The following NME8 variants were observed in gnomAD, a reference collection of about 807,000 sequenced individuals.
The protein encoded by NME8 is protein NME8.
In NME8, 72 loss-of-function variants were observed where a neutral mutation model predicts 82.3. The observed-to-expected ratio is 0.87, with a 90% CI of 0.72 to 1.06. The LOEUF is 1.06. Ranked by LOEUF, NME8 falls within the 50% of genes least tolerant of loss-of-function variation. NME8 has a pLI of 0.00. For synonymous variants in NME8, 267 were observed against 228.5 expected, an observed-to-expected ratio of 1.17 and a Z score of -1.52; for missense variants, 712 against 685.4, an observed-to-expected ratio of 1.04 and a Z score of -0.43.
At chr7:37,853,467 A>T (rs1784464630) in intron 5 of NME8, among the ~76,000 whole-genome samples, 1 of 152,156 alleles carries the variant, frequency 6.6e-6, no homozygotes, top group Non-Finnish European at 1.5e-5. Flanking sequence ...TGCAGTTGGA[A>T]AGGGGTTGAT....
rs372584831 is a variant in NME8 at position 37,865,525 on chromosome 7, A to T, written c.529A>T (p.Ile177Phe). The change falls in exon 10 of 18, where the codon ATT becomes TTT. Residue 177 changes from isoleucine to phenylalanine, a missense_variant and splice_region_variant. Ile to Phe is a conservative substitution (Grantham distance 21, BLOSUM62 0). Transcript: ENST00000199447. ...ATTTGACCTTACTCTCTAATTGAAG[A>T]TTACCAAAGCTGGATTTATTATAGA... ...SKKVLEIKRK[I>F]TKAGFIIEAE... The T allele has an allele frequency of 2.3e-5, 37 of 1,608,214 alleles. No homozygotes were observed. The highest frequency in any genetic ancestry group is 2.9e-5 in the Non-Finnish European group (34 of 1,174,898).
At chr7:37,850,461 C>A (rs776350841) in intron 4 of NME8, 26 bp downstream of exon 4, 1 of 1,613,000 alleles carries the variant, frequency 6.2e-7, no homozygotes, top group South Asian at 1.1e-5. Context: ...GGCTGTCTGG[C>A]CACCTGGGGT....
At chr7:37,886,164 G>T (rs1435733937) in intron 14 of NME8, among the ~76,000 whole-genome samples, 1 of 152,210 alleles carries the variant, frequency 6.6e-6, no homozygotes, top group Admixed American at 6.5e-5. Flanking sequence ...GCCAATGACT[G>T]TGAAGGATAA....
chr7:37,888,428 G>C lies in NME8; in HGVS notation c.1399G>C (p.Glu467Gln), dbSNP rs760305644. The C allele has an allele frequency of 1.7e-5, 27 of 1,611,448 alleles. No homozygotes were observed. The highest frequency in any genetic ancestry group is 2.3e-5 in the Non-Finnish European group (27 of 1,178,588). The part of the protein sequence containing the change: ...IKPHATSEQR[E>Q]QILKIVKEAG... ...ACCTCATGCAACAAGTGAACAAAGA[G>C]GTAAATATTTAAGAATAAAAGTGAA... Residue 467 changes from glutamate (E) to glutamine (Q), a missense_variant and splice_region_variant, in exon 15 of 18, where the codon GAG (glutamate) becomes CAG (glutamine). Transcript: ENST00000199447.
chr7:37,882,613 G>GAGAGAAAGAAAGAA (rs1273553790), intron 12 of NME8, among the ~76,000 whole-genome samples: 13 of 85,068 alleles, frequency 1.5e-4, no homozygotes, highest in African/African-American at 4.3e-4. Flanking sequence ...GAGAGAGAGA[G>GAGAGAAAGAAAGAA]AGAAAGAAAG....
intron 14 of NME8, 123 bp from the exon 15 acceptor site, chr7:37,888,154 T>G: frequency 1.0e-6 from 1 of 961,008 alleles, no homozygotes; most frequent in Non-Finnish European, 1.7e-6. Flanking sequence ...TACTTCCTTT[T>G]GCACAGTGTC....
At chr7:37,850,463 AC>A in intron 4 of NME8, 28 bp downstream of exon 4, 1 of 1,613,490 alleles carries the variant, frequency 6.2e-7, no homozygotes, top group Non-Finnish European at 8.5e-7. Flanking sequence ...CTGTCTGGCC[AC>A]CTGGGGTTTG....
intron 5 of NME8, among the ~76,000 whole-genome samples, chr7:37,853,880 G>A (rs887253814): frequency 6.6e-6 from 1 of 150,704 alleles, no homozygotes; most frequent in Admixed American, 6.6e-5. Context: ...TATATAGAGA[G>A]AGGCATATAA....
intron 11 of NME8, among the ~76,000 whole-genome samples, chr7:37,869,568 AT>A (rs1420733573): frequency 1.3e-5 from 2 of 152,198 alleles, no homozygotes; most frequent in African/African-American, 4.8e-5. Flanking sequence ...CAATTTAGGC[AT>A]GTTAATTGGC....
In NME8 at chr7:37,850,450, C is replaced by A. The variant is rs141405304; in HGVS notation, c.91+15C>A. On this transcript the variant is annotated intron_variant, in intron 4 of 17. Transcript: ENST00000199447. ...AGGCTTAACAGGTATAAGGACTCCCCGGCTGTCTGGCCACCTGGGGTTTGA... is the reference window on the plus strand; with the variant it reads ...AGGCTTAACAGGTATAAGGACTCCCAGGCTGTCTGGCCACCTGGGGTTTGA... 1 of 1,613,918 alleles carries A rather than the reference C, an allele frequency of 6.2e-7. No homozygotes were observed. The highest frequency in any genetic ancestry group is 1.3e-5 in the African/African-American group (1 of 75,038).
chr7:37,852,586 A>G (rs1485994983), intron 5 of NME8, among the ~76,000 whole-genome samples: 2 of 152,234 alleles, frequency 1.3e-5, no homozygotes, highest in Non-Finnish European at 2.9e-5. Context: ...TCATATAGTT[A>G]GAATCACATA....
chr7:37,876,869 C>G lies in NME8; in HGVS notation c.856C>G (p.Leu286Val), dbSNP rs202155606. 14 of 1,612,942 alleles carry G rather than the reference C, an allele frequency of 8.7e-6. No homozygotes were observed. The East Asian group carries it at 2.7e-4, about 31-fold the overall frequency. Residue 286 changes from leucine (L) to valine (V), a missense_variant, in exon 12 of 18, where the codon CTC (leucine) becomes GTC (valine). Transcript: ENST00000199447. Reference sequence around the variant, plus strand: ...TCTGGAAAGACAACATTTAGCTCAGCTCTGTGACATTGAAGAGGATGCAGC... The same window carrying G: ...TCTGGAAAGACAACATTTAGCTCAGGTCTGTGACATTGAAGAGGATGCAGC... Reference protein sequence around the residue: ...EYLERQHLAQLCDIEEDAANV... With the variant: ...EYLERQHLAQVCDIEEDAANV...
chr7:37,854,672 T>A (rs1474734615), intron 5 of NME8, among the ~76,000 whole-genome samples: 1 of 152,206 alleles, frequency 6.6e-6, no homozygotes, highest in Non-Finnish European at 1.5e-5. Context: ...CTGGCTCTTC[T>A]ACATCTTCTC....
At position 37,862,155 on chromosome 7, in the gene NME8, G is replaced by A. The variant is rs756726204; in HGVS notation, c.387+11G>A. ...ATGGCTCGACCTCAGGTAATACTTTGGATTAACAACAGTTTGAAGACAAGC... is the reference window on the plus strand; with the variant it reads ...ATGGCTCGACCTCAGGTAATACTTTAGATTAACAACAGTTTGAAGACAAGC... On this transcript the variant is annotated intron_variant, in intron 7 of 17. Coordinates refer to ENST00000199447, the MANE Select transcript of NME8 (RefSeq NM_016616.5). The A allele has an allele frequency of 6.5e-7, 1 of 1,539,230 alleles. No individual in the cohort carries two copies. Among genetic ancestry groups the A allele is most frequent in the Admixed American group, 1.7e-5 (1 of 59,882 alleles).
chr7:37,861,439 CTT>C (rs1444083937), intron 6 of NME8, among the ~76,000 whole-genome samples: 3 of 152,202 alleles, frequency 2.0e-5, no homozygotes, highest in Admixed American at 1.3e-4. Flanking sequence ...TTCGTGATCT[CTT>C]TGACCAAAAC....
intron 15 of NME8, 135 bp downstream of exon 15, chr7:37,888,563 C>T (rs1348415777): frequency 1.4e-6 from 1 of 720,426 alleles, no homozygotes; most frequent in African/African-American, 1.8e-5. Context: ...GTACTCCTAT[C>T]CTTCATTTAG....
intron 17 of NME8, among the ~76,000 whole-genome samples, chr7:37,899,169 A>C (rs2722346): frequency 0.94 from 142,979 of 152,222 alleles, 67,357 homozygotes; most frequent in Non-Finnish European, 0.97. Flanking sequence ...TTTGACCCAG[A>C]AATCCCATTA....
At position 37,884,434 on chromosome 7, in the gene NME8, G is replaced by C; in HGVS notation, c.1126G>C (p.Glu376Gln). ...ENEDYFNKLI[E>Q]NMTSGPSLAL... ...TGAAGACTATTTTAATAAACTTATA[G>C]AAAACATGACCAGGTAGAATCCAGG... Residue 376 changes from glutamate to glutamine, a missense_variant, in exon 13 of 18, where the codon GAA becomes CAA. Physicochemically the swap from Glu to Gln is conservative, Grantham distance 29 (BLOSUM62 2). Transcript: ENST00000199447. The C allele has an allele frequency of 6.2e-7, 1 of 1,611,482 alleles. No homozygotes were observed. The highest frequency in any genetic ancestry group is 8.5e-7 in the Non-Finnish European group (1 of 1,177,886).
At chr7:37,872,886 C>T (rs1391845682) in intron 11 of NME8, among the ~76,000 whole-genome samples, 3 of 152,160 alleles carry the variant, frequency 2.0e-5, no homozygotes, top group Non-Finnish European at 2.9e-5. Flanking sequence ...CACCCCCACC[C>T]CACACACAAA....
Sources: allele counts gnomAD v4.1 joint callset (sites outside exome capture counted in the v4.1 genomes callset), GRCh38; gene constraint gnomAD v4.1.1; transcripts MANE v1.5; gene names NCBI Gene and HGNC (gene_info 2026-07-23, HGNC 2026-07-21).